Variants in ARID2 observed in about 807,000 individuals in gnomAD.
ARID2 encodes the protein AT-rich interaction domain 2.
In ARID2, 32 loss-of-function variants were observed where a neutral mutation model predicts 184.6. That is an observed-to-expected ratio of 0.17 (90% CI 0.13 to 0.23). The LOEUF (loss-of-function observed/expected upper bound fraction) is 0.23, where lower values mean the gene tolerates loss of function less well. Among genes scored for constraint, ARID2 ranks in the 10% least tolerant of loss-of-function variants. The pLI, the probability that ARID2 is intolerant of heterozygous loss-of-function variation, is 1.00. For missense variants in ARID2, 1,696 were observed against 2,197.6 expected (o/e 0.77, Z 4.56); for synonymous variants, 836 against 772.6 (o/e 1.08, Z -1.36).
intron 3 of ARID2, among the ~76,000 whole-genome samples, chr12:45,795,331 G>T (rs548055420): frequency 6.6e-6 from 1 of 152,072 alleles, no homozygotes; most frequent in African/African-American, 2.4e-5. Context: ...ATGATACTAC[G>T]CCACAGGAGC....
At chr12:45,758,294 A>T in intron 3 of ARID2, among the ~76,000 whole-genome samples, 1 of 152,156 alleles carries the variant, frequency 6.6e-6, no homozygotes, top group East Asian at 1.9e-4. Flanking sequence ...CTTGTCCAAC[A>T]TGCAGCCCCG....
chr12:45,905,714 A>G lies in ARID2; in HGVS notation c.*636A>G, dbSNP rs894483177. On this transcript the variant is annotated 3_prime_UTR_variant, in exon 21 of 21. Coordinates refer to ENST00000334344, the MANE Select transcript of ARID2 (RefSeq NM_152641.4). ...TTGTAAATATTTGTGAATAGAATGAATACCTTTCATGCCACTGCAGCCACT... is the reference window on the plus strand; with the variant it reads ...TTGTAAATATTTGTGAATAGAATGAGTACCTTTCATGCCACTGCAGCCACT... The G allele has an allele frequency of 2.6e-5, 6 of 232,854 alleles. No homozygotes were observed. The highest frequency in any genetic ancestry group is 4.2e-5 in the Non-Finnish European group (5 of 117,658). 14.4% of individuals were successfully genotyped at this position (232,854 alleles called of 1,614,324 possible).
At chr12:45,743,779 TC>T (rs1437801658) in intron 3 of ARID2, among the ~76,000 whole-genome samples, 1 of 152,212 alleles carries the variant, frequency 6.6e-6, no homozygotes, top group Non-Finnish European at 1.5e-5. Flanking sequence ...CTTGTTCACA[TC>T]TTTTTGTGTC....
At chr12:45,784,545 C>T (rs1326345911) in intron 3 of ARID2, among the ~76,000 whole-genome samples, 3 of 151,974 alleles carry the variant, frequency 2.0e-5, no homozygotes, top group Admixed American at 2.0e-4. Context: ...GGGTATGGTC[C>T]CAGCTACTTT....
At chr12:45,780,985 C>G (rs1200759030) in intron 3 of ARID2, among the ~76,000 whole-genome samples, 4 of 152,046 alleles carry the variant, frequency 2.6e-5, no homozygotes, top group African/African-American at 9.7e-5. Flanking sequence ...ATAGCATTTA[C>G]TTTTAAGAGT....
At chr12:45,890,173 A>T (rs1371653074) in intron 16 of ARID2, among the ~76,000 whole-genome samples, 1 of 152,236 alleles carries the variant, frequency 6.6e-6, no homozygotes, top group Non-Finnish European at 1.5e-5. Context: ...CTGAGGACAG[A>T]TAGACTAATG....
intron 15 of ARID2, among the ~76,000 whole-genome samples, chr12:45,853,509 C>T (rs1943593239): frequency 6.6e-6 from 1 of 152,178 alleles, no homozygotes; most frequent in Non-Finnish European, 1.5e-5. Context: ...CTTTTTAATG[C>T]CTAAGATTCC....
intron 16 of ARID2, among the ~76,000 whole-genome samples, chr12:45,865,243 C>G (rs1943814033): frequency 6.6e-6 from 1 of 152,102 alleles, no homozygotes; most frequent in Admixed American, 6.6e-5. Context: ...CATTTTCACA[C>G]CTGTACCTTC....
At chr12:45,819,531 T>TC (rs1942859052) in intron 5 of ARID2, among the ~76,000 whole-genome samples, 1 of 152,152 alleles carries the variant, frequency 6.6e-6, no homozygotes. Context: ...TTGAGAGGCT[T>TC]CAATTTGATT....
At chr12:45,856,315 C>T (rs748943969) in intron 15 of ARID2, among the ~76,000 whole-genome samples, 1 of 152,054 alleles carries the variant, frequency 6.6e-6, no homozygotes, top group Non-Finnish European at 1.5e-5. Context: ...GATCCGCCCA[C>T]CTCGGCCTCC....
chr12:45,895,694 C>T (rs905432697), intron 20 of ARID2, among the ~76,000 whole-genome samples: 3 of 152,132 alleles, frequency 2.0e-5, no homozygotes, highest in African/African-American at 4.8e-5. Flanking sequence ...GCCACTATGC[C>T]GAGCTAATTT....
chr12:45,871,723 C>T (rs1046498622), intron 16 of ARID2, among the ~76,000 whole-genome samples: 3 of 152,096 alleles, frequency 2.0e-5, no homozygotes, highest in Non-Finnish European at 4.4e-5. Flanking sequence ...GTGAATTCAG[C>T]AGAGAAACCT....
intron 6 of ARID2, among the ~76,000 whole-genome samples, 166 bp downstream of exon 6, chr12:45,821,653 A>G (rs1942899458): frequency 6.6e-6 from 1 of 152,196 alleles, no homozygotes; most frequent in Non-Finnish European, 1.5e-5. Context: ...AGTTGAGTGA[A>G]AAATCTTTTA....
intron 3 of ARID2, among the ~76,000 whole-genome samples, chr12:45,780,378 C>G (rs887130505): frequency 6.6e-6 from 1 of 151,994 alleles, no homozygotes; most frequent in Non-Finnish European, 1.5e-5. Flanking sequence ...GTACTTTGCA[C>G]TGTTTTTGTT....
chr12:45,817,550 T>A (rs1220832229), intron 4 of ARID2, 120 bp from the exon 5 acceptor site: 1 of 247,718 alleles, frequency 4.0e-6, no homozygotes, highest in Non-Finnish European at 7.2e-6. Context: ...TATATATATT[T>A]ATATTATATT....
chr12:45,843,525 C>G (rs1400528200), intron 11 of ARID2, among the ~76,000 whole-genome samples: 5 of 151,954 alleles, frequency 3.3e-5, no homozygotes, highest in Non-Finnish European at 7.4e-5. Context: ...CACCACCACA[C>G]CCAGCTAATT....
At chr12:45,747,993 G>A (rs931159223) in intron 3 of ARID2, among the ~76,000 whole-genome samples, 7 of 152,110 alleles carry the variant, frequency 4.6e-5, no homozygotes, top group Non-Finnish European at 8.8e-5. Context: ...GAATTTTTTG[G>A]TTTCCCAGTG....
At chr12:45,839,810 A>C in intron 11 of ARID2, 1 of 220,536 alleles carries the variant, frequency 4.5e-6, no homozygotes, top group Non-Finnish European at 9.0e-6. Flanking sequence ...GATTTTGGTC[A>C]TGGGAAATTG....
At chr12:45,869,881 TCAAAAACAAAACAAAA>T (rs1161275196) in intron 16 of ARID2, among the ~76,000 whole-genome samples, 2 of 151,800 alleles carry the variant, frequency 1.3e-5, no homozygotes, top group Non-Finnish European at 2.9e-5. Context: ...AGATTCCACC[TCAAAAACAAAACAAAA>T]CAAAAACAAA....
Sources: gnomAD v4.1 joint callset for allele counts (sites outside exome capture counted in the v4.1 genomes callset) on GRCh38, gnomAD v4.1.1 for gene constraint, MANE v1.5 for transcripts, NCBI Gene and HGNC (gene_info 2026-07-23, HGNC 2026-07-21) for gene names.